CLK1: variants seen among roughly 807,000 people sequenced by gnomAD.
CLK1 encodes the protein CDC like kinase 1.
Under a neutral mutation model 60.9 loss-of-function variants are expected in CLK1, and 40 were observed. The ratio of observed to expected loss-of-function variants is 0.66; its 90% CI spans 0.51 to 0.86. CLK1 has a LOEUF of 0.86. Ranked by LOEUF, CLK1 falls within the 40% of genes least tolerant of loss-of-function variation. The pLI is 0.00. For synonymous variants in CLK1, 203 were observed against 184.4 expected (o/e 1.10, Z -0.82); for missense variants, 563 against 606.1 (o/e 0.93, Z 0.75).
chr2:200,855,684 T>A (rs2039028853), intron 9 of CLK1, among the ~76,000 whole-genome samples: 2 of 149,468 alleles, frequency 1.3e-5, no homozygotes, highest in South Asian at 2.1e-4. Context: ...AGCTGGAAGA[T>A]CCTAAAGCAA....
intron 5 of CLK1, among the ~76,000 whole-genome samples, chr2:200,859,450 A>G (rs1156331417): frequency 1.3e-5 from 2 of 152,216 alleles, no homozygotes; most frequent in Non-Finnish European, 2.9e-5. Context: ...CAATACTTTC[A>G]AAACAATATA....
chr2:200,857,440 G>A lies in CLK1; in HGVS notation c.832+278C>T, dbSNP rs1475975389. The A allele has an allele frequency of 3.3e-6, 1 of 299,668 alleles. No individual in the cohort carries two copies. The highest frequency in any genetic ancestry group is 6.2e-6 in the Non-Finnish European group (1 of 161,694). 18.6% of individuals were successfully genotyped at this position (299,668 alleles called of 1,614,324 possible). On this transcript the variant is annotated intron_variant, in intron 7 of 12. Coordinates refer to ENST00000321356, the MANE Select transcript of CLK1 (RefSeq NM_004071.4). ...AGCTTTCTTTTATGAGATATATCACGCCTTAATTTTTACCCAGCATTCGAA... is the reference window on the plus strand; with the variant it reads ...AGCTTTCTTTTATGAGATATATCACACCTTAATTTTTACCCAGCATTCGAA...
At chr2:200,856,554 G>A (rs2039047513) in intron 9 of CLK1, 128 bp downstream of exon 9, 3 of 677,354 alleles carry the variant, frequency 4.4e-6, no homozygotes, top group Non-Finnish European at 7.3e-6. Flanking sequence ...AATCCATAAT[G>A]CACTTCATGA....
Position 200,864,238 on chromosome 2 carries a change from G to T in CLK1, c.-1+326C>A, listed in dbSNP as rs750357217. The stretch of plus-strand genomic sequence containing the variant: ...CGCCCAGCCGCCATCTTACAGCTCC[G>T]CCGAGGCGGTTCACAACATGGCGCC... On this transcript the variant is annotated intron_variant, in intron 1 of 12. Coordinates refer to ENST00000321356, the MANE Select transcript of CLK1 (RefSeq NM_004071.4). 1.2e-5 allele frequency: 19 copies of T among 1,540,110 alleles called. No individual in the cohort carries two copies. In the East Asian group the frequency reaches 3.0e-4, roughly 24 times the overall value.
chr2:200,861,832 C>A lies in CLK1; in HGVS notation c.31G>T (p.Asp11Tyr). MRHSKRTYCP[D>Y]WDDKDWDYGK... ...TAATCCCAATCCTTGTCATCCCAAT[C>A]AGGACAGTAAGTTCTCTTTGAGTGT... The change falls in exon 2 of 13, where the codon GAT (aspartate) becomes TAT (tyrosine). Residue 11 changes from aspartate to tyrosine, a missense_variant. By Grantham distance (160) the Asp-to-Tyr change is radical (BLOSUM62 -3). Coordinates refer to ENST00000321356, the MANE Select transcript of CLK1 (RefSeq NM_004071.4). The A allele has an allele frequency of 6.2e-7, 1 of 1,614,062 alleles. No individual in the cohort carries two copies.
chr2:200,855,501 T>G (rs2105734986), intron 9 of CLK1, among the ~76,000 whole-genome samples: 1 of 152,196 alleles, frequency 6.6e-6, no homozygotes, highest in South Asian at 2.1e-4. Flanking sequence ...GGCAGGCACC[T>G]GTAGTCCCAG....
In CLK1 at chr2:200,854,931, CA is replaced by C. The variant is rs1013104144; in HGVS notation, c.1140+72del. On this transcript the variant is annotated intron_variant, in intron 10 of 12. Coordinates refer to ENST00000321356, the MANE Select transcript of CLK1 (RefSeq NM_004071.4). ...AATTAATAGTCTATAATGGGGGAAG[CA>C]AAAGTATTTATTCATATAAACAGGC... 4 of 1,141,678 alleles carry C rather than the reference CA, an allele frequency of 3.5e-6. No homozygotes were observed. In the African/African-American group the frequency reaches 6.2e-5, roughly 18 times the overall value. The allele number at this position is 1,141,678 out of a possible 1,614,324, so 70.7% of individuals were successfully genotyped here. A position where few individuals can be genotyped will look rare whatever the true frequency, so the allele number is the denominator to read the frequency against.
At chr2:200,861,891 A>G in intron 1 of CLK1, 29 bp from the exon 2 acceptor site, 1 of 1,605,674 alleles carries the variant, frequency 6.2e-7, no homozygotes, top group Non-Finnish European at 8.5e-7. Flanking sequence ...TTTCCTAGTT[A>G]AATTGTACCC....
intron 1 of CLK1, among the ~76,000 whole-genome samples, chr2:200,863,706 T>C (rs1212420239): frequency 6.6e-6 from 1 of 152,022 alleles, no homozygotes; most frequent in Non-Finnish European, 1.5e-5. Context: ...ATACAAACAT[T>C]AGCCCGGCGT....
chr2:200,853,327 G>C lies in CLK1; in HGVS notation c.1434C>G (p.Asp478Glu). Residue 478 changes from aspartate (D) to glutamate (E), a missense_variant, in exon 13 of 13, where the codon GAC becomes GAG. Coordinates refer to ENST00000321356, the MANE Select transcript of CLK1 (RefSeq NM_004071.4). Reference sequence around the variant, plus strand: ...AGATCTATATACTTTTCTTCAGAAGGTCAAAGAAAGGATGCTTTAAGGCTT... The same window carrying C: ...AGATCTATATACTTTTCTTCAGAAGCTCAAAGAAAGGATGCTTTAAGGCTT... ...LREALKHPFF[D>E]LLKKSI 1 of 1,611,294 alleles carries C rather than the reference G, an allele frequency of 6.2e-7. No homozygotes were observed. The highest frequency in any genetic ancestry group is 2.2e-5 in the East Asian group (1 of 44,730).
intron 9 of CLK1, among the ~76,000 whole-genome samples, chr2:200,855,569 G>A (rs1044534811): frequency 6.6e-6 from 1 of 151,912 alleles, no homozygotes; most frequent in African/African-American, 2.4e-5. Context: ...AGCTTGCGGT[G>A]AGCCGAGATC....
At position 200,859,585 on chromosome 2, in the gene CLK1, A is replaced by G. The variant is rs909649156; in HGVS notation, c.548+95T>C. ...TCCAAGTAAAAAAGGGTATAAAGATATGTATCTAACTCATGGTCAGACCAC... is the reference window on the plus strand; with the variant it reads ...TCCAAGTAAAAAAGGGTATAAAGATGTGTATCTAACTCATGGTCAGACCAC... On this transcript the variant is annotated intron_variant, in intron 5 of 12. Coordinates refer to ENST00000321356, the MANE Select transcript of CLK1 (RefSeq NM_004071.4). The G allele has an allele frequency of 6.8e-6, 6 of 877,016 alleles. No homozygotes were observed. In the Admixed American group the frequency reaches 9.7e-5, roughly 14 times the overall value. The allele number at this position is 877,016 out of a possible 1,614,324, so 54.3% of individuals were successfully genotyped here.
chr2:200,860,069 C>T, intron 4 of CLK1, 56 bp downstream of exon 4: 2 of 1,589,712 alleles, frequency 1.3e-6, no homozygotes, highest in Non-Finnish European at 1.7e-6. Context: ...AAAGCTTAAT[C>T]TATATATAGA....
In CLK1 at chr2:200,854,647, G is replaced by T. The variant is rs748018926; in HGVS notation, c.1189C>A (p.Pro397Thr). ...TTCTGTATCATATGTTTTGGTAGAG[G>T]TCCAAGAATCCTTTCCATCATTGCT... Reference protein sequence around the residue: ...HLAMMERILGPLPKHMIQKTR... With the variant: ...HLAMMERILGTLPKHMIQKTR... Residue 397 changes from proline (P) to threonine (T), a missense_variant, in exon 11 of 13, where the codon CCT becomes ACT. Around this residue, in one of 3 missense-constraint regions of CLK1, gnomAD observed 360 missense variants for 407.0 expected, o/e 0.88. Transcript: ENST00000321356. 6.8e-6 allele frequency: 11 copies of T among 1,607,356 alleles called. No individual in the cohort carries two copies. Among genetic ancestry groups the T allele is most frequent in the Middle Eastern group, 1.6e-4 (1 of 6,070 alleles).
intron 1 of CLK1, among the ~76,000 whole-genome samples, chr2:200,862,659 T>C (rs2039159851): frequency 6.6e-6 from 1 of 152,234 alleles, no homozygotes; most frequent in Non-Finnish European, 1.5e-5. Context: ...TAGTGGTCTC[T>C]TCACAGACAC....
intron 1 of CLK1, 183 bp downstream of exon 1, chr2:200,864,365 CGGATCCGGCGGCGACA>C: frequency 8.4e-7 from 1 of 1,195,784 alleles, no homozygotes; most frequent in South Asian, 1.8e-5. Flanking sequence ...CCCCGCAGGC[CGGATCCGGCGGCGACA>C]GGCTCGGCCG....
chr2:200,861,850 TTGAG>T lies in CLK1; in HGVS notation c.9_12del (p.His3GlnfsTer59). 6.2e-7 allele frequency: 1 copy of T among 1,614,044 alleles called. No individual in the cohort carries two copies. The highest frequency in any genetic ancestry group is 8.5e-7 in the Non-Finnish European group (1 of 1,179,984). ...TCCCAATCAGGACAGTAAGTTCTCT[TTGAG>T]TGTCTCATCTACATAAAAGGCAAGT... On this transcript the variant is annotated frameshift_variant, in exon 2 of 13. Transcript: ENST00000321356. LOFTEE classifies it high-confidence loss of function.
chr2:200,864,259 G>C, intron 1 of CLK1: 2 of 1,512,646 alleles, frequency 1.3e-6, no homozygotes, highest in Non-Finnish European at 1.8e-6. Flanking sequence ...TCACAACATG[G>C]CGCCCGCCCG....
intron 4 of CLK1, 154 bp from the exon 5 acceptor site, chr2:200,859,900 T>C: frequency 7.0e-7 from 1 of 1,434,656 alleles, no homozygotes; most frequent in Non-Finnish European, 9.1e-7. Flanking sequence ...AACATAATTA[T>C]TAGGTCTAAT....
Sources: allele counts gnomAD v4.1 joint callset (sites outside exome capture counted in the v4.1 genomes callset), GRCh38; gene constraint gnomAD v4.1.1; regional missense constraint gnomAD v4.1.1; transcripts MANE v1.5; gene names NCBI Gene and HGNC (gene_info 2026-07-23, HGNC 2026-07-21).